Variants in RCL1 observed in about 807,000 individuals in gnomAD.
The protein encoded by RCL1 is RNA 3'-terminal phosphate cyclase-like protein.
RCL1 carries 24 observed loss-of-function variants against 42.4 expected under a neutral mutation model. The ratio of observed to expected loss-of-function variants is 0.57; its 90% confidence interval spans 0.41 to 0.80. RCL1 has a LOEUF of 0.80. RCL1 is among the 30% of genes least tolerant of loss of function. The probability of loss-of-function intolerance (pLI) is 0.00; values close to 1 mark genes in which losing one functional copy is unlikely to be tolerated. For missense variants in RCL1, 578 were observed against 467.9 expected, an observed-to-expected ratio of 1.24 and a Z score of -2.17; for synonymous variants, 228 against 177.3, an observed-to-expected ratio of 1.29 and a Z score of -2.27.
chr9:4,835,912 G>A (rs1356994409), intron 5 of RCL1, among the ~76,000 whole-genome samples: 2 of 152,184 alleles, frequency 1.3e-5, no homozygotes, highest in Admixed American at 6.5e-5. Flanking sequence ...CTTGAGAGGG[G>A]ATGGATTCAA....
In RCL1 at chr9:4,793,133, C is replaced by G. The variant is rs1344189930; in HGVS notation, c.42C>G (p.Asn14Lys). ...ACTCCCTCAGCTACGCAGGGTGCAA[C>G]TTCTTGCGCCAACGTCTGGTCCTGT... is the stretch of plus-strand genomic sequence containing the variant. ...QAHSLSYAGC[N>K]FLRQRLVLST... The change falls in exon 1 of 9, where the codon AAC becomes AAG. Residue 14 changes from asparagine to lysine, a missense_variant. Physicochemically the swap from Asn to Lys is moderately conservative, Grantham distance 94 (BLOSUM62 0). Coordinates refer to ENST00000381750, the MANE Select transcript of RCL1 (RefSeq NM_005772.5). 1 of 1,612,274 alleles carries G rather than the reference C, an allele frequency of 6.2e-7. No homozygotes were observed. The highest frequency in any genetic ancestry group is 8.5e-7 in the Non-Finnish European group (1 of 1,179,328).
At chr9:4,857,033 G>A (rs1375220667) in intron 8 of RCL1, among the ~76,000 whole-genome samples, 3 of 152,210 alleles carry the variant, frequency 2.0e-5, no homozygotes, top group Non-Finnish European at 2.9e-5. Flanking sequence ...TGAGAACCAG[G>A]ATCAGTTGTT....
chr9:4,815,386 TCTG>T (rs949574008), intron 1 of RCL1, among the ~76,000 whole-genome samples: 2 of 152,208 alleles, frequency 1.3e-5, no homozygotes, highest in African/African-American at 2.4e-5. Context: ...CTTGATCATG[TCTG>T]CTATTTTAGT....
intron 8 of RCL1, among the ~76,000 whole-genome samples, chr9:4,853,350 G>C (rs928949768): frequency 6.1e-4 from 90 of 148,282 alleles, no homozygotes; most frequent in African/African-American, 2.2e-3. Context: ...TTGAGACGGA[G>C]TCTCCTCTGT....
intron 1 of RCL1, among the ~76,000 whole-genome samples, chr9:4,801,008 C>T (rs1434036842): frequency 6.6e-6 from 1 of 152,144 alleles, no homozygotes; most frequent in Non-Finnish European, 1.5e-5. Context: ...AGTTTCTCTG[C>T]ATCCTTTCTA....
intron 1 of RCL1, among the ~76,000 whole-genome samples, chr9:4,810,830 G>A (rs2130982082): frequency 6.6e-6 from 1 of 152,256 alleles, no homozygotes; most frequent in East Asian, 1.9e-4. Flanking sequence ...GTGTATTGTA[G>A]TCATTCATTG....
At chr9:4,852,931 A>G (rs745868262) in intron 8 of RCL1, among the ~76,000 whole-genome samples, 3 of 152,156 alleles carry the variant, frequency 2.0e-5, no homozygotes, top group Non-Finnish European at 4.4e-5. Flanking sequence ...CCAGCTACCT[A>G]TAAATCTATA....
intron 8 of RCL1, among the ~76,000 whole-genome samples, chr9:4,855,910 T>TC (rs2129744377): frequency 6.6e-6 from 1 of 152,272 alleles, no homozygotes; most frequent in South Asian, 2.1e-4. Context: ...CCCATCCTTC[T>TC]CCAAGAGATC....
chr9:4,841,060 A>T (rs1162048346), intron 5 of RCL1, 172 bp from the exon 6 acceptor site: 1 of 663,818 alleles, frequency 1.5e-6, no homozygotes, highest in Non-Finnish European at 2.5e-6. Context: ...GACCTTTTAT[A>T]ATAATGAAAA....
At chr9:4,806,902 T>C (rs548765062) in intron 1 of RCL1, among the ~76,000 whole-genome samples, 8 of 152,310 alleles carry the variant, frequency 5.3e-5, no homozygotes, top group African/African-American at 1.9e-4. Context: ...GTTTTTAGAT[T>C]ATGCATTTCA....
At chr9:4,829,634 T>G (rs947569482) in intron 3 of RCL1, among the ~76,000 whole-genome samples, 7 of 152,314 alleles carry the variant, frequency 4.6e-5, no homozygotes, top group African/African-American at 1.7e-4. Context: ...TAGGCTGAGG[T>G]TGAACACTGG....
At chr9:4,805,360 G>T (rs1193917318) in intron 1 of RCL1, among the ~76,000 whole-genome samples, 1 of 151,664 alleles carries the variant, frequency 6.6e-6, no homozygotes, top group African/African-American at 2.4e-5. Context: ...CTGCATTCTA[G>T]CCTGGGTCTT....
chr9:4,853,922 C>T (rs1817845598), intron 8 of RCL1, among the ~76,000 whole-genome samples: 1 of 152,102 alleles, frequency 6.6e-6, no homozygotes, highest in Non-Finnish European at 1.5e-5. Context: ...TAAAGCTCAG[C>T]CCTCTGAAGA....
intron 3 of RCL1, 78 bp from the exon 4 acceptor site, chr9:4,833,076 A>C: frequency 1.0e-6 from 1 of 961,102 alleles, no homozygotes; most frequent in Non-Finnish European, 1.7e-6. Flanking sequence ...CTGGTTGCTA[A>C]GCCTTACTTG....
intron 8 of RCL1, among the ~76,000 whole-genome samples, chr9:4,859,342 T>C (rs753035173): frequency 6.6e-6 from 1 of 152,242 alleles, no homozygotes; most frequent in Non-Finnish European, 1.5e-5. Context: ...CCGTCTGTGT[T>C]GTTTGCTTTG....
At chr9:4,846,530 G>C (rs140447320) in intron 7 of RCL1, among the ~76,000 whole-genome samples, 21 of 152,212 alleles carry the variant, frequency 1.4e-4, no homozygotes, top group African/African-American at 4.8e-4. Context: ...TGCCCTGCCA[G>C]TTACTTAATT....
intron 1 of RCL1, among the ~76,000 whole-genome samples, chr9:4,812,001 G>C (rs1012081504): frequency 6.6e-6 from 1 of 152,100 alleles, no homozygotes; most frequent in Admixed American, 6.6e-5. Context: ...TGTCTTTTGA[G>C]GGATGTCTAT....
rs1817698655 is a variant in RCL1 at position 4,850,482 on chromosome 9, CTTTTTTTTTTCTTTT to C, written c.971+943_971+957del. The C allele has an allele frequency of 4.4e-5, 5 of 114,602 alleles. No homozygotes were observed. The South Asian group carries it at 7.0e-4, about 16-fold the overall frequency. The allele number at this position is 114,602 out of a possible 1,614,324, so 7.1% of individuals were successfully genotyped here. ...AGCTTGAAATAAATTCTTATGGAGG[CTTTTTTTTTTCTTTT>C]TTTTTTTTTTTTTGGAATTCGTGGT... On this transcript the variant is annotated intron_variant, in intron 8 of 8. Coordinates refer to ENST00000381750, the MANE Select transcript of RCL1 (RefSeq NM_005772.5).
intron 5 of RCL1, among the ~76,000 whole-genome samples, chr9:4,837,426 T>C (rs1054506310): frequency 6.6e-6 from 1 of 152,156 alleles, no homozygotes; most frequent in African/African-American, 2.4e-5. Context: ...CAGTACTATT[T>C]TGGGTTTGTC....
Sources: gnomAD v4.1 joint callset for allele counts (sites outside exome capture counted in the v4.1 genomes callset) on GRCh38, gnomAD v4.1.1 for gene constraint, MANE v1.5 for transcripts, NCBI Gene and HGNC (gene_info 2026-07-23, HGNC 2026-07-21) for gene names.